The following BPIFB1 variants were observed in gnomAD, a reference collection of about 807,000 sequenced individuals.
BPIFB1 encodes the protein BPI fold containing family B member 1.
In BPIFB1, 34 loss-of-function variants were observed where a neutral mutation model predicts 55.1. The ratio of observed to expected loss-of-function variants is 0.62; its 90% CI spans 0.47 to 0.82. The LOEUF (loss-of-function observed/expected upper bound fraction) is 0.82, where lower values mean the gene tolerates loss of function less well. Ranked by LOEUF, BPIFB1 falls within the 40% of genes least tolerant of loss-of-function variation. The pLI is 0.00. For synonymous variants in BPIFB1, 236 were observed against 245.3 expected (o/e 0.96, Z 0.35); for missense variants, 532 against 593.1 (o/e 0.90, Z 1.07).
At chr20:33,286,234 A>T (rs200987598) in intron 2 of BPIFB1, 46 bp downstream of exon 2, 2 of 1,539,462 alleles carry the variant, frequency 1.3e-6, no homozygotes, top group East Asian at 4.5e-5. Context: ...ACAAGGGGGT[A>T]GGTGGAGCAG....
At chr20:33,302,608 A>G in intron 10 of BPIFB1, 196 bp downstream of exon 10, 1 of 670,966 alleles carries the variant, frequency 1.5e-6, no homozygotes, top group Non-Finnish European at 2.7e-6. Context: ...TAGTATTTCC[A>G]TTACAGCTGC....
At position 33,291,918 on chromosome 20, in the gene BPIFB1, T is replaced by C. The variant is rs1980485227; in HGVS notation, c.527T>C (p.Leu176Pro). Residue 176 changes from leucine (L) to proline (P), a missense_variant, in exon 6 of 16, where the codon CTG becomes CCG. By Grantham distance (98) the Leu-to-Pro change is moderately conservative. Coordinates refer to ENST00000253354, the MANE Select transcript of BPIFB1 (RefSeq NM_033197.3). ...RIQLLHKLSF[L>P]VNALAKQVMN... is the part of the protein sequence containing the mutation. ...CTCTTCCCTGAAAGGCTCTCCTTCC[T>C]GGTGAACGCCTTAGCTAAGCAGGTC... 6.2e-7 allele frequency: 1 copy of C among 1,614,196 alleles called. No individual in the cohort carries two copies. Among genetic ancestry groups the C allele is most frequent in the African/African-American group, 1.3e-5 (1 of 75,064 alleles).
chr20:33,303,940 G>A lies in BPIFB1; in HGVS notation c.1141-18G>A. 1 of 1,613,488 alleles carries A rather than the reference G, an allele frequency of 6.2e-7. No homozygotes were observed. The highest frequency in any genetic ancestry group is 1.1e-5 in the South Asian group (1 of 91,014). On this transcript the variant is annotated intron_variant, in intron 11 of 15. Transcript: ENST00000253354. ...GATCCTCTTGAGAACAATGGGGCCT[G>A]GGCTTCTCTTGTTGCAGGAAGCCAG...
At chr20:33,289,478 A>C (rs1177753868) in intron 3 of BPIFB1, among the ~76,000 whole-genome samples, 2 of 152,228 alleles carry the variant, frequency 1.3e-5, no homozygotes, top group African/African-American at 4.8e-5. Context: ...TGGAGGTGAC[A>C]GTGGAGCCGA....
At chr20:33,291,858 G>T (rs1227186082) in intron 5 of BPIFB1, 49 bp from the exon 6 acceptor site, 1 of 1,515,024 alleles carries the variant, frequency 6.6e-7, no homozygotes, top group Admixed American at 1.7e-5. Context: ...AGGAAGGGGT[G>T]ATCATCTCTG....
chr20:33,300,892 G>A (rs1980824932), intron 8 of BPIFB1, among the ~76,000 whole-genome samples: 1 of 152,116 alleles, frequency 6.6e-6, no homozygotes, highest in Non-Finnish European at 1.5e-5. Flanking sequence ...CTGGCCCCTG[G>A]ACTAGTTTCT....
At chr20:33,298,105 A>G (rs1352372049) in intron 7 of BPIFB1, among the ~76,000 whole-genome samples, 2 of 152,188 alleles carry the variant, frequency 1.3e-5, no homozygotes, top group East Asian at 3.9e-4. Flanking sequence ...AGCATGAGCC[A>G]TCACACGCAG....
intron 11 of BPIFB1, 144 bp from the exon 12 acceptor site, chr20:33,303,814 G>A: frequency 1.4e-6 from 1 of 734,782 alleles, no homozygotes; most frequent in Admixed American, 2.5e-5. Context: ...AGATGAGGCA[G>A]GTGAGGCCCA....
At chr20:33,297,119 C>A (rs1036209299) in intron 6 of BPIFB1, among the ~76,000 whole-genome samples, 1 of 152,236 alleles carries the variant, frequency 6.6e-6, no homozygotes, top group Admixed American at 6.5e-5. Context: ...TGAGGTTTCA[C>A]CATGCTGGCC....
chr20:33,299,443 G>T (rs957360070), intron 7 of BPIFB1, among the ~76,000 whole-genome samples: 6 of 152,236 alleles, frequency 3.9e-5, no homozygotes, highest in Non-Finnish European at 7.3e-5. Context: ...TGCTCATAGG[G>T]TGTCCAGACC....
intron 2 of BPIFB1, among the ~76,000 whole-genome samples, chr20:33,287,528 G>T (rs542860135): frequency 2.2e-4 from 33 of 152,212 alleles, no homozygotes; most frequent in Non-Finnish European, 3.8e-4. Flanking sequence ...GGATGGAGGG[G>T]GTAGCCAAGG....
At position 33,309,672 on chromosome 20, in the gene BPIFB1, G is replaced by T. The variant is rs1475136320; in HGVS notation, c.1396-36G>T. On this transcript the variant is annotated intron_variant, in intron 15 of 15. Coordinates refer to ENST00000253354, the MANE Select transcript of BPIFB1 (RefSeq NM_033197.3). This position sits in a 1 kb window ranked among gnomAD's most constrained non-coding sequence, Gnocchi z 4.4. ...ATAAACCACAAGGCAAAAGGTTAAA[G>T]AAACCTGTTTTCTGACTTTTCCCCT... is the stretch of plus-strand genomic sequence containing the variant. 1 of 1,607,864 alleles carries T rather than the reference G, an allele frequency of 6.2e-7. No individual in the cohort carries two copies. Among genetic ancestry groups the T allele is most frequent in the South Asian group, 1.1e-5 (1 of 90,950 alleles).
intron 2 of BPIFB1, among the ~76,000 whole-genome samples, chr20:33,286,727 G>A (rs1302570303): frequency 6.6e-6 from 1 of 152,232 alleles, no homozygotes; most frequent in Non-Finnish European, 1.5e-5. Context: ...TATGACCATG[G>A]TTTCAACCTC....
intron 6 of BPIFB1, among the ~76,000 whole-genome samples, chr20:33,292,190 A>G (rs1340961499): frequency 6.6e-6 from 1 of 152,208 alleles, no homozygotes; most frequent in Non-Finnish European, 1.5e-5. Context: ...GGACTGCTAA[A>G]AGTCAGCCAG....
At chr20:33,308,463 C>CAT (rs1981107284) in intron 15 of BPIFB1, among the ~76,000 whole-genome samples, 1 of 151,402 alleles carries the variant, frequency 6.6e-6, no homozygotes, top group African/African-American at 2.4e-5. Context: ...CACACACACA[C>CAT]GCACACCTTT....
At chr20:33,298,121 G>A (rs1182293596) in intron 7 of BPIFB1, among the ~76,000 whole-genome samples, 3 of 152,016 alleles carry the variant, frequency 2.0e-5, no homozygotes, top group South Asian at 4.2e-4. Flanking sequence ...CGCAGCCCCC[G>A]GACTAGTTTT....
rs1377885550 is a variant in BPIFB1, at chr20:33,303,965, G to C, written c.1148G>C (p.Ser383Thr). The C allele has an allele frequency of 1.2e-6, 2 of 1,613,930 alleles. No homozygotes were observed. The highest frequency in any genetic ancestry group is 1.7e-6 in the Non-Finnish European group (2 of 1,179,958). ...RPLFTLGIEA[S>T]SEAQFYTKGD... The stretch of plus-strand genomic sequence containing the variant: ...GGGCTTCTCTTGTTGCAGGAAGCCA[G>C]CTCGGAAGCTCAGTTTTACACCAAA... Residue 383 changes from serine (S) to threonine (T), a missense_variant, in exon 12 of 16, where the codon AGC becomes ACC. Transcript: ENST00000253354.
chr20:33,290,045 TC>T (rs1419268635), intron 4 of BPIFB1, 53 bp downstream of exon 4: 3 of 1,369,244 alleles, frequency 2.2e-6, no homozygotes, highest in African/African-American at 2.9e-5. Context: ...ATCTGCTCGT[TC>T]CCCCTCCCCC....
chr20:33,294,941 G>T (rs924302260), intron 6 of BPIFB1, among the ~76,000 whole-genome samples: 2 of 152,194 alleles, frequency 1.3e-5, no homozygotes, highest in Non-Finnish European at 2.9e-5. Flanking sequence ...GAGGCCAGGC[G>T]CAGTGGCCCA....
Sources: allele counts gnomAD v4.1 joint callset (sites outside exome capture counted in the v4.1 genomes callset), GRCh38; gene constraint gnomAD v4.1.1; non-coding constraint Gnocchi (gnomAD v3.1); transcripts MANE v1.5; gene names NCBI Gene and HGNC (gene_info 2026-07-23, HGNC 2026-07-21).